The following MED13L variants were observed in gnomAD, a reference collection of about 807,000 sequenced individuals.
MED13L encodes the protein mediator complex subunit 13L, also known as mediator of RNA polymerase II transcription subunit 13-like.
MED13L carries 7 observed loss-of-function variants against 220.9 expected under a neutral mutation model. The observed-to-expected ratio is 0.03, with a 90% CI of 0.02 to 0.06. The LOEUF (loss-of-function observed/expected upper bound fraction) is 0.06. Ranked by LOEUF, MED13L falls within the 10% of genes least tolerant of loss-of-function variation. The pLI, the probability that MED13L is intolerant of heterozygous loss-of-function variation, is 1.00. For synonymous variants in MED13L, 1,011 were observed against 1,015.2 expected (o/e 1.00, Z 0.08); for missense variants, 1,965 against 2,760.5 (o/e 0.71, Z 6.46).
intron 26 of MED13L, 102 bp downstream of exon 26, chr12:115,971,976 G>A: frequency 7.7e-7 from 1 of 1,299,264 alleles, no homozygotes; most frequent in Non-Finnish European, 1.1e-6. Context: ...TTCCCTTATA[G>A]AAATATAATG....
Position 115,991,804 on chromosome 12 carries a change from T to G in MED13L, c.3150A>C (p.Thr1050=). Residue 1050 remains threonine, a synonymous_variant, in exon 17 of 31, where the codon ACA becomes ACC. Transcript: ENST00000281928. This position sits in a 1 kb window ranked among gnomAD's most constrained non-coding sequence, Gnocchi z 7.7. ...SPATPRFSVP[T]PRTPRTPRTP... ...TTCTTGGGGTCCTGGGGGTTCGTGG[T>G]GTGGGGACAGAGAAGCGAGGGGTTG... The G allele has an allele frequency of 6.2e-7, 1 of 1,613,744 alleles. No individual in the cohort carries two copies. Among genetic ancestry groups the G allele is most frequent in the South Asian group, 1.1e-5 (1 of 91,066 alleles).
At chr12:116,253,850 C>T (rs1871800211) in intron 1 of MED13L, among the ~76,000 whole-genome samples, 1 of 147,092 alleles carries the variant, frequency 6.8e-6, no homozygotes, top group Non-Finnish European at 1.5e-5. Context: ...ACCTTTGCCT[C>T]CTGGGTTCAA....
In MED13L at chr12:116,028,111, T is replaced by C. The variant is rs182190721; in HGVS notation, c.480-5510A>G. Among the ~76,000 whole-genome samples, 27 of 152,344 alleles carry C rather than the reference T, an allele frequency of 1.8e-4. No individual in the cohort carries two copies. In the East Asian group the frequency reaches 4.8e-3, roughly 27 times the overall value. On this transcript the variant is annotated intron_variant, in intron 4 of 30. Coordinates refer to ENST00000281928, the MANE Select transcript of MED13L (RefSeq NM_015335.5). ...GACTGGAATTGGCCTTAAAATTCAA[T>C]GTTCTTTCTACTAGCTGGCTCGTAC... is the stretch of plus-strand genomic sequence containing the variant.
chr12:116,030,094 A>G (rs1013090985), intron 4 of MED13L, among the ~76,000 whole-genome samples: 3 of 152,052 alleles, frequency 2.0e-5, no homozygotes, highest in African/African-American at 4.8e-5. Context: ...CAGCCTCCTA[A>G]GTAGCTGGGA....
At chr12:116,037,184 C>T (rs1230325394) in intron 4 of MED13L, among the ~76,000 whole-genome samples, 2 of 152,132 alleles carry the variant, frequency 1.3e-5, no homozygotes, top group East Asian at 1.9e-4. Context: ...CCTATACCTA[C>T]ATAAACACAT....
At chr12:116,238,898 C>G (rs888093790) in intron 1 of MED13L, among the ~76,000 whole-genome samples, 5 of 152,134 alleles carry the variant, frequency 3.3e-5, no homozygotes, top group African/African-American at 1.2e-4. Context: ...AGTTCGAGAC[C>G]AGCCTGACCA....
chr12:116,073,628 T>C (rs1338805346), intron 4 of MED13L, among the ~76,000 whole-genome samples: 2 of 152,192 alleles, frequency 1.3e-5, no homozygotes, highest in Non-Finnish European at 2.9e-5. Flanking sequence ...AGATAAAAGA[T>C]AAACTTGGTG....
chr12:116,228,091 C>T (rs1190767793), intron 2 of MED13L, among the ~76,000 whole-genome samples: 1 of 152,128 alleles, frequency 6.6e-6, no homozygotes, highest in East Asian at 1.9e-4. Flanking sequence ...AAAGCCGAAT[C>T]CAGAACAAGG....
At chr12:116,100,431 T>G (rs1872970962) in intron 3 of MED13L, among the ~76,000 whole-genome samples, 1 of 151,148 alleles carries the variant, frequency 6.6e-6, no homozygotes, top group African/African-American at 2.4e-5. Context: ...AAGCCCCGTC[T>G]CTACTAAAAA....
At chr12:116,119,089 G>A (rs1408203799) in intron 2 of MED13L, among the ~76,000 whole-genome samples, 3 of 151,958 alleles carry the variant, frequency 2.0e-5, no homozygotes, top group South Asian at 4.2e-4. Flanking sequence ...ACTCAGTGTC[G>A]GGCTTCTTCA....
intron 4 of MED13L, among the ~76,000 whole-genome samples, chr12:116,035,800 A>T (rs550469433): frequency 3.4e-4 from 51 of 152,132 alleles, no homozygotes; most frequent in Admixed American, 6.5e-4. Context: ...TACGTTGCCC[A>T]GGATCGTCTC....
intron 4 of MED13L, among the ~76,000 whole-genome samples, chr12:116,085,791 A>G (rs1230428378): frequency 7.2e-6 from 1 of 138,762 alleles, no homozygotes; most frequent in East Asian, 2.0e-4. Context: ...CACACACACG[A>G]CATTAAGAAC....
At chr12:116,034,276 C>T (rs1453980663) in intron 4 of MED13L, among the ~76,000 whole-genome samples, 1 of 152,000 alleles carries the variant, frequency 6.6e-6, no homozygotes, top group East Asian at 1.9e-4. Flanking sequence ...TGGTGCTTGC[C>T]ATAGGTAGAT....
chr12:115,964,579 A>G (rs931448735), intron 29 of MED13L, among the ~76,000 whole-genome samples: 1 of 152,138 alleles, frequency 6.6e-6, no homozygotes, highest in Non-Finnish European at 1.5e-5. Flanking sequence ...GCAACAAATG[A>G]TGACTGATTT....
intron 2 of MED13L, among the ~76,000 whole-genome samples, chr12:116,194,805 C>A (rs1440748728): frequency 6.6e-6 from 1 of 152,086 alleles, no homozygotes; most frequent in Admixed American, 6.6e-5. Flanking sequence ...GCTTTGAAAA[C>A]CCACCCTGTT....
At chr12:116,181,941 C>T (rs879281562) in intron 2 of MED13L, among the ~76,000 whole-genome samples, 5 of 152,162 alleles carry the variant, frequency 3.3e-5, no homozygotes, top group Non-Finnish European at 7.4e-5. Context: ...CTTTTGATTG[C>T]TTGCTTAAAC....
chr12:116,128,088 T>C (rs12296855), intron 2 of MED13L, among the ~76,000 whole-genome samples: 10,592 of 152,268 alleles, frequency 0.07, 549 homozygotes, highest in African/African-American at 0.13. Flanking sequence ...AGTCAGTCAC[T>C]TTCTCATCTA....
Position 116,115,777 on chromosome 12 carries a change from T to C in MED13L, c.311-4265A>G, listed in dbSNP as rs1874460816. On this transcript the variant is annotated intron_variant, in intron 2 of 30. Coordinates refer to ENST00000281928, the MANE Select transcript of MED13L (RefSeq NM_015335.5). ...GAAAAAGTGCTCAACACCTCATTAGTCATTAGGGAAATGTAAATTAAAATC... is the reference window on the plus strand; with the variant it reads ...GAAAAAGTGCTCAACACCTCATTAGCCATTAGGGAAATGTAAATTAAAATC... Among the ~76,000 whole-genome samples, 6 of 152,196 alleles carry C rather than the reference T, an allele frequency of 3.9e-5. No homozygotes were observed. In the South Asian group the frequency reaches 1.2e-3, roughly 31 times the overall value.
At chr12:115,987,064 C>G in intron 18 of MED13L, 45 bp downstream of exon 18, 1 of 1,585,028 alleles carries the variant, frequency 6.3e-7, no homozygotes, top group African/African-American at 1.3e-5. Context: ...CTTCACTGAA[C>G]AGCACTGAAG....
Sources: allele counts gnomAD v4.1 joint callset (sites outside exome capture counted in the v4.1 genomes callset), GRCh38; gene constraint gnomAD v4.1.1; non-coding constraint Gnocchi (gnomAD v3.1); transcripts MANE v1.5; gene names NCBI Gene and HGNC (gene_info 2026-07-23, HGNC 2026-07-21).